The following SH3BGRL variants were observed in gnomAD, a reference collection of about 807,000 sequenced individuals.
The protein encoded by SH3BGRL is SH3 domain binding glutamate rich protein like, also known as adapter SH3BGRL.
SH3BGRL carries 7 observed loss-of-function variants against 9.8 expected under a neutral mutation model. That is an observed-to-expected ratio of 0.72 (90% CI 0.41 to 1.35). The LOEUF (loss-of-function observed/expected upper bound fraction) is 1.35, where lower values mean the gene tolerates loss of function less well. SH3BGRL is among the 40% of genes most tolerant of loss of function. SH3BGRL has a pLI of 0.01. For missense variants in SH3BGRL, 73 were observed against 84.4 expected (o/e 0.86, Z 0.53); for synonymous variants, 36 against 29.1 (o/e 1.24, Z -0.76).
chrX:81,228,482 T>A (rs1469382463), intron 1 of SH3BGRL, among the ~76,000 whole-genome samples: 1 of 112,078 alleles, frequency 8.9e-6, no homozygotes, highest in Admixed American at 9.4e-5. Context: ...CTCATGCAGA[T>A]GAAGCCACTA....
intron 1 of SH3BGRL, among the ~76,000 whole-genome samples, chrX:81,205,290 CT>C (rs1330495331): frequency 9.0e-6 from 1 of 110,577 alleles, no homozygotes; most frequent in Non-Finnish European, 1.9e-5. Flanking sequence ...ATGGGATCGA[CT>C]TTTTTAGCTC....
At chrX:81,280,970 GA>G (rs1391840153) in intron 3 of SH3BGRL, among the ~76,000 whole-genome samples, 1 of 110,689 alleles carries the variant, frequency 9.0e-6, no homozygotes, top group African/African-American at 3.3e-5. Context: ...ACAGTGTAAG[GA>G]AAAAAACAAT....
intron 1 of SH3BGRL, among the ~76,000 whole-genome samples, chrX:81,241,048 G>A (rs1028197223): frequency 8.9e-6 from 1 of 112,967 alleles, no homozygotes; most frequent in Non-Finnish European, 1.9e-5. Flanking sequence ...AGGCTCAGAA[G>A]TGCCTTTTCC....
At chrX:81,237,935 G>A (rs2075653614) in intron 1 of SH3BGRL, among the ~76,000 whole-genome samples, 1 of 107,470 alleles carries the variant, frequency 9.3e-6, no homozygotes, top group African/African-American at 3.4e-5. Context: ...TCATAGTTGT[G>A]AGGCCCCTGT....
intron 3 of SH3BGRL, among the ~76,000 whole-genome samples, chrX:81,292,847 G>A (rs2075862560): frequency 9.0e-6 from 1 of 110,910 alleles, no homozygotes; most frequent in African/African-American, 3.3e-5. Context: ...TGGCTTCCCT[G>A]GACCACAATG....
At chrX:81,287,439 G>T (rs758615439) in intron 3 of SH3BGRL, among the ~76,000 whole-genome samples, 1 of 111,868 alleles carries the variant, frequency 8.9e-6, no homozygotes, top group South Asian at 3.7e-4. Context: ...TCCAAAACCT[G>T]AACAGACCAA....
At chrX:81,264,034 T>C (rs1442856505) in intron 1 of SH3BGRL, among the ~76,000 whole-genome samples, 1 of 110,010 alleles carries the variant, frequency 9.1e-6, no homozygotes, top group Non-Finnish European at 1.9e-5. Context: ...GCCCACATAA[T>C]AGGGGGTTAG....
intron 3 of SH3BGRL, among the ~76,000 whole-genome samples, chrX:81,286,154 C>T (rs2075833256): frequency 9.1e-6 from 1 of 110,320 alleles, no homozygotes; most frequent in Non-Finnish European, 1.9e-5. Context: ...TTAGTACTGG[C>T]ATTTCTTACT....
chrX:81,205,469 TAA>T (rs1449218305), intron 1 of SH3BGRL, among the ~76,000 whole-genome samples: 13 of 100,963 alleles, frequency 1.3e-4, no homozygotes, highest in African/African-American at 3.3e-4. Context: ...TGTGTATATA[TAA>T]GTGTGTGTAT....
rs370458501 is a variant in SH3BGRL, at chrX:81,277,031, A to G, written c.93A>G (p.Lys31=). ...QDVLGFLEAN[K]IGFEEKDIAA... ...TGCTTGGTTTCCTAGAAGCCAACAA[A>G]ATAGGATTTGAAGAAAAAGATATTG... is the stretch of plus-strand genomic sequence containing the variant. The change falls in exon 2 of 4, where the codon AAA becomes AAG. Residue 31 remains lysine, a synonymous_variant. Coordinates refer to ENST00000373212, the MANE Select transcript of SH3BGRL (RefSeq NM_003022.3). 8.3e-7 allele frequency: 1 copy of G among 1,209,359 alleles called. No individual in the cohort carries two copies. The highest frequency in any genetic ancestry group is 3.0e-5 in the East Asian group (1 of 33,729).
At chrX:81,251,164 T>C (rs1405471950) in intron 1 of SH3BGRL, among the ~76,000 whole-genome samples, 1 of 112,228 alleles carries the variant, frequency 8.9e-6, no homozygotes, top group Non-Finnish European at 1.9e-5. Context: ...TTAATGGATT[T>C]TATGCAATAT....
chrX:81,274,389 G>T (rs1374873520), intron 1 of SH3BGRL, among the ~76,000 whole-genome samples: 2 of 110,872 alleles, frequency 1.8e-5, no homozygotes, highest in African/African-American at 3.3e-5. Context: ...AAGTTGGACA[G>T]ATCATGAGGT....
chrX:81,222,779 A>G (rs985627272), intron 1 of SH3BGRL, among the ~76,000 whole-genome samples: 3 of 111,790 alleles, frequency 2.7e-5, no homozygotes, highest in Non-Finnish European at 5.6e-5. Flanking sequence ...ACTATTTTAC[A>G]GTCCCACCAA....
At chrX:81,219,919 T>C (rs772216209) in intron 1 of SH3BGRL, among the ~76,000 whole-genome samples, 5 of 111,809 alleles carry the variant, frequency 4.5e-5, no homozygotes, top group Non-Finnish European at 7.6e-5. Flanking sequence ...ATGTATTACA[T>C]TGATCGATTT....
chrX:81,296,929 G>T (rs1186993158), intron 3 of SH3BGRL, among the ~76,000 whole-genome samples: 1 of 111,507 alleles, frequency 9.0e-6, no homozygotes, highest in Non-Finnish European at 1.9e-5. Context: ...CTATTTTTAA[G>T]TAAAATATCA....
At chrX:81,296,414 TTCCTC>T (rs943993150) in intron 3 of SH3BGRL, among the ~76,000 whole-genome samples, 10 of 111,823 alleles carry the variant, frequency 8.9e-5, no homozygotes, top group African/African-American at 3.3e-4. Context: ...ATTTTCTTCT[TTCCTC>T]TACTTTTGCC....
chrX:81,212,470 A>T (rs957137759), intron 1 of SH3BGRL, among the ~76,000 whole-genome samples: 1 of 110,933 alleles, frequency 9.0e-6, no homozygotes, highest in Non-Finnish European at 1.9e-5. Context: ...GAAAAAGAGG[A>T]TGTTGAAAGG....
At chrX:81,238,464 T>G (rs1244633886) in intron 1 of SH3BGRL, among the ~76,000 whole-genome samples, 1 of 112,227 alleles carries the variant, frequency 8.9e-6, no homozygotes, top group East Asian at 2.8e-4. Flanking sequence ...TAAGTGCCAG[T>G]GCAGCCACAG....
At chrX:81,276,675 C>T (rs2075799168) in intron 1 of SH3BGRL, among the ~76,000 whole-genome samples, 1 of 110,913 alleles carries the variant, frequency 9.0e-6, no homozygotes, top group African/African-American at 3.3e-5. Context: ...TTTCACTGCA[C>T]ATAATTTGGA....
Sources: gnomAD v4.1 joint callset for allele counts (sites outside exome capture counted in the v4.1 genomes callset) on GRCh38, gnomAD v4.1.1 for gene constraint, MANE v1.5 for transcripts, NCBI Gene and HGNC (gene_info 2026-07-23, HGNC 2026-07-21) for gene names.